CDH18: variants seen among roughly 807,000 people sequenced by gnomAD.
CDH18 encodes cadherin 18, also known as cadherin-18.
A neutral mutation model predicts 67.9 loss-of-function variants in CDH18; 31 were observed. The observed-to-expected ratio is 0.46, with a 90% confidence interval of 0.34 to 0.62. The LOEUF is 0.62. CDH18 is among the 20% of genes least tolerant of loss of function. The pLI is 0.01. For synonymous variants in CDH18, 362 were observed against 347.2 expected (o/e 1.04, Z -0.48); for missense variants, 890 against 975.5 (o/e 0.91, Z 1.17).
At chr5:20,543,209 T>A (rs987556306) in intron 1 of CDH18, among the ~76,000 whole-genome samples, 1 of 152,074 alleles carries the variant, frequency 6.6e-6, no homozygotes, top group Non-Finnish European at 1.5e-5. Flanking sequence ...GTTACACTGC[T>A]ATTTAATAAT....
At chr5:19,691,968 G>A (rs938491930) in intron 5 of CDH18, among the ~76,000 whole-genome samples, 1 of 152,034 alleles carries the variant, frequency 6.6e-6, no homozygotes, top group South Asian at 2.1e-4. Context: ...TATATTACCT[G>A]ACTTCAGAAT....
At chr5:19,660,442 G>A (rs1004344176) in intron 5 of CDH18, among the ~76,000 whole-genome samples, 1 of 152,066 alleles carries the variant, frequency 6.6e-6, no homozygotes, top group African/African-American at 2.4e-5. Flanking sequence ...TTTCCCTAAG[G>A]AGAGATTAAC....
intron 2 of CDH18, among the ~76,000 whole-genome samples, chr5:20,239,389 G>T (rs1336074507): frequency 1.3e-5 from 2 of 152,318 alleles, no homozygotes; most frequent in Non-Finnish European, 2.9e-5. Context: ...CCGGGAGGCA[G>T]AGGTCGCAGC....
At chr5:19,527,631 T>C (rs1747943686) in intron 9 of CDH18, among the ~76,000 whole-genome samples, 3 of 151,728 alleles carry the variant, frequency 2.0e-5, no homozygotes, top group African/African-American at 7.2e-5. Context: ...CAACTCTGTG[T>C]TTAAGGTCTG....
chr5:20,210,497 T>C (rs1332363243), intron 2 of CDH18, among the ~76,000 whole-genome samples: 1 of 152,034 alleles, frequency 6.6e-6, no homozygotes, highest in Non-Finnish European at 1.5e-5. Flanking sequence ...GCTTAAATGA[T>C]TAATCCAATT....
At chr5:19,511,886 G>A (rs1025120266) in intron 10 of CDH18, among the ~76,000 whole-genome samples, 4 of 152,140 alleles carry the variant, frequency 2.6e-5, no homozygotes, top group Admixed American at 2.6e-4. Flanking sequence ...TAAGTATCGA[G>A]GAGCCAAATG....
chr5:19,482,027 G>C (rs1739511345), intron 12 of CDH18, among the ~76,000 whole-genome samples: 1 of 152,070 alleles, frequency 6.6e-6, no homozygotes, highest in South Asian at 2.1e-4. Context: ...AAAAGATTTA[G>C]ATTATTACAA....
chr5:19,638,567 T>A (rs72739152), intron 5 of CDH18, among the ~76,000 whole-genome samples: 8,754 of 151,672 alleles, frequency 0.058, 287 homozygotes, highest in Non-Finnish European at 0.074. Flanking sequence ...CTTTTTTTTT[T>A]AATGAGCTGC....
At chr5:19,791,529 T>G (rs1776360012) in intron 3 of CDH18, among the ~76,000 whole-genome samples, 1 of 152,164 alleles carries the variant, frequency 6.6e-6, no homozygotes, top group Non-Finnish European at 1.5e-5. Context: ...GGAAATATCT[T>G]TCCTTTAGCA....
At chr5:19,701,526 C>A (rs919984919) in intron 5 of CDH18, among the ~76,000 whole-genome samples, 2 of 151,998 alleles carry the variant, frequency 1.3e-5, no homozygotes, top group African/African-American at 2.4e-5. Context: ...CAAGTTGACC[C>A]CTTTGGTCAT....
At chr5:19,735,475 C>T (rs960095514) in intron 4 of CDH18, among the ~76,000 whole-genome samples, 6 of 150,600 alleles carry the variant, frequency 4.0e-5, no homozygotes, top group East Asian at 2.0e-4. Flanking sequence ...CGGCTCACTG[C>T]AAGCTCCGCC....
chr5:20,026,685 T>C (rs1488870893), intron 2 of CDH18, among the ~76,000 whole-genome samples: 1 of 152,110 alleles, frequency 6.6e-6, no homozygotes, highest in East Asian at 1.9e-4. Flanking sequence ...AAAAGGAAGA[T>C]TTGATTTAAA....
chr5:20,278,921 A>G (rs1366541992), intron 1 of CDH18, among the ~76,000 whole-genome samples: 2 of 152,140 alleles, frequency 1.3e-5, no homozygotes, highest in African/African-American at 2.4e-5. Context: ...ATTAAAATAC[A>G]TGACCAGAGA....
chr5:19,856,128 G>A (rs758953566), intron 2 of CDH18, among the ~76,000 whole-genome samples: 32 of 152,182 alleles, frequency 2.1e-4, no homozygotes, highest in Non-Finnish European at 3.2e-4. Flanking sequence ...TTGAGTCAGC[G>A]TGCATGCTTT....
intron 2 of CDH18, among the ~76,000 whole-genome samples, chr5:19,860,968 T>C (rs1784831062): frequency 6.6e-6 from 1 of 152,170 alleles, no homozygotes. Flanking sequence ...GTTCATTCCA[T>C]CTGAATGTAG....
intron 12 of CDH18, 99 bp downstream of exon 12, chr5:19,483,202 T>C: frequency 8.4e-7 from 1 of 1,183,928 alleles, no homozygotes; most frequent in Non-Finnish European, 1.2e-6. Flanking sequence ...AGCTGTTTCC[T>C]TACCCACATT....
chr5:19,576,081 G>A (rs376049999), intron 7 of CDH18, among the ~76,000 whole-genome samples: 1 of 152,046 alleles, frequency 6.6e-6, no homozygotes, highest in African/African-American at 2.4e-5. Context: ...AAAGTATTGA[G>A]CCTTACAAGA....
rs1367368369 is a variant in CDH18 at position 20,172,944 on chromosome 5, C to T, written c.-518+82500G>A. Among the ~76,000 whole-genome samples the T allele has an allele frequency of 6.0e-5, 9 of 150,614 alleles. No individual in the cohort carries two copies. In the South Asian group the frequency reaches 1.0e-3, roughly 18 times the overall value. On this transcript the variant is annotated intron_variant, in intron 2 of 14. Transcript: ENST00000507958. ...GGCGGAGGTTGCAGTGAGCCGAGAT[C>T]GCACCATTTCACTCCAGCCTGGGCA...
intron 2 of CDH18, among the ~76,000 whole-genome samples, chr5:20,119,984 C>A (rs1748220119): frequency 6.6e-6 from 1 of 152,160 alleles, no homozygotes. Flanking sequence ...AATGAAGCTT[C>A]ATCAGTCCTC....
Sources: gnomAD v4.1 joint callset for allele counts (sites outside exome capture counted in the v4.1 genomes callset) on GRCh38, gnomAD v4.1.1 for gene constraint, MANE v1.5 for transcripts, NCBI Gene and HGNC (gene_info 2026-07-23, HGNC 2026-07-21) for gene names.